UBAC1: variants seen among roughly 807,000 people sequenced by gnomAD.
UBAC1 encodes the protein UBA domain containing 1, also known as ubiquitin-associated domain-containing protein 1.
Under a neutral mutation model 45.9 loss-of-function variants are expected in UBAC1, and 27 were observed. That is an observed-to-expected ratio of 0.59 (90% CI 0.43 to 0.81). UBAC1 has a LOEUF of 0.81. Ranked by LOEUF, UBAC1 falls within the 30% of genes least tolerant of loss-of-function variation. UBAC1 has a pLI of 0.00. For synonymous variants in UBAC1, 227 were observed against 215.5 expected, an observed-to-expected ratio of 1.05 and a Z score of -0.47; for missense variants, 529 against 539.2, an observed-to-expected ratio of 0.98 and a Z score of 0.19.
intron 3 of UBAC1, among the ~76,000 whole-genome samples, chr9:135,949,763 G>A (rs1839384777): frequency 6.6e-6 from 1 of 152,248 alleles, no homozygotes; most frequent in Non-Finnish European, 1.5e-5. Flanking sequence ...AGTTGCCCGT[G>A]CGTGGCTGCA....
At chr9:135,959,755 C>T (rs1468476354) in intron 1 of UBAC1, among the ~76,000 whole-genome samples, 1 of 152,162 alleles carries the variant, frequency 6.6e-6, no homozygotes, top group Non-Finnish European at 1.5e-5. Flanking sequence ...GAGTTACCGG[C>T]GCTGGAGCTT....
intron 3 of UBAC1, among the ~76,000 whole-genome samples, chr9:135,949,629 T>C (rs1839382426): frequency 6.6e-6 from 1 of 152,104 alleles, no homozygotes; most frequent in Admixed American, 6.5e-5. Context: ...CTCCAGACAG[T>C]TTCCCCTCCT....
At chr9:135,944,731 T>G (rs1448555407) in intron 7 of UBAC1, among the ~76,000 whole-genome samples, 2 of 152,200 alleles carry the variant, frequency 1.3e-5, no homozygotes, top group African/African-American at 4.8e-5. Context: ...CTGTAAAATA[T>G]CAAGTTTTTC....
At chr9:135,944,981 G>T in intron 7 of UBAC1, 47 bp downstream of exon 7, 1 of 1,564,728 alleles carries the variant, frequency 6.4e-7, no homozygotes. Context: ...GCCACCTCAA[G>T]GGAAGACACA....
intron 3 of UBAC1, among the ~76,000 whole-genome samples, chr9:135,950,562 G>A (rs1839395172): frequency 6.6e-6 from 1 of 152,122 alleles, no homozygotes; most frequent in South Asian, 2.1e-4. Context: ...AGCTGTGTAA[G>A]AAGGATAGAT....
intron 3 of UBAC1, 120 bp from the exon 4 acceptor site, chr9:135,948,025 G>A (rs1839359136): frequency 2.2e-6 from 2 of 899,508 alleles, no homozygotes; most frequent in Admixed American, 2.6e-5. Context: ...AGCCAGAGGT[G>A]TAAACTCCTT....
intron 4 of UBAC1, 144 bp from the exon 5 acceptor site, chr9:135,946,515 G>A: frequency 3.1e-6 from 2 of 646,946 alleles, no homozygotes; most frequent in Non-Finnish European, 5.6e-6. Context: ...TCAGCTGAGG[G>A]CAAGGCAGGG....
Position 135,945,856 on chromosome 9 carries a change from T to G in UBAC1, c.653+33A>C, listed in dbSNP as rs576449122. ...CCCACAAAACCAGGCCCCAGGTGTC[T>G]CCGGCAAGGGAAGGAGGTGGCCCCC... On this transcript the variant is annotated intron_variant, in intron 6 of 9. Coordinates refer to ENST00000371756, the MANE Select transcript of UBAC1 (RefSeq NM_016172.3). 3 of 1,590,630 alleles carry G rather than the reference T, an allele frequency of 1.9e-6. No individual in the cohort carries two copies. The East Asian group carries it at 6.7e-5, about 36-fold the overall frequency.
chr9:135,938,151 A>C (rs1588530150), intron 9 of UBAC1, 71 bp downstream of exon 9: 1 of 1,577,032 alleles, frequency 6.3e-7, no homozygotes, highest in South Asian at 1.2e-5. Context: ...CCTCCGCAGC[A>C]CCTATTTGTC....
At chr9:135,954,981 C>A (rs1017983199) in intron 2 of UBAC1, among the ~76,000 whole-genome samples, 3 of 152,196 alleles carry the variant, frequency 2.0e-5, no homozygotes, top group Non-Finnish European at 4.4e-5. Context: ...AACATCACCA[C>A]AACGAAGGTG....
At chr9:135,955,252 G>A in intron 2 of UBAC1, 43 bp downstream of exon 2, 2 of 1,510,040 alleles carry the variant, frequency 1.3e-6, no homozygotes, top group South Asian at 1.4e-5. Context: ...CCCCAGCAGT[G>A]CACGATGCCT....
intron 8 of UBAC1, among the ~76,000 whole-genome samples, chr9:135,938,623 G>A (rs905813073): frequency 2.6e-5 from 4 of 152,262 alleles, no homozygotes; most frequent in African/African-American, 4.8e-5. Flanking sequence ...GACTGCTGCC[G>A]CTTCCCCACT....
At chr9:135,948,321 G>T (rs1030340113) in intron 3 of UBAC1, among the ~76,000 whole-genome samples, 3 of 152,268 alleles carry the variant, frequency 2.0e-5, no homozygotes, top group Non-Finnish European at 2.9e-5. Flanking sequence ...AGAAACTCAC[G>T]AGAACAAAAG....
intron 1 of UBAC1, among the ~76,000 whole-genome samples, chr9:135,958,192 G>T (rs1839490422): frequency 6.6e-6 from 1 of 151,916 alleles, no homozygotes. Context: ...GACTACAGGT[G>T]CCCGCCACCA....
intron 7 of UBAC1, among the ~76,000 whole-genome samples, chr9:135,942,619 C>T (rs1428924615): frequency 1.3e-5 from 2 of 150,332 alleles, no homozygotes; most frequent in Non-Finnish European, 3.0e-5. Context: ...GCCACCGCCA[C>T]TCCAGCCTGG....
At chr9:135,938,442 C>A (rs2131081389) in intron 8 of UBAC1, 82 bp from the exon 9 acceptor site, 2 of 1,522,386 alleles carry the variant, frequency 1.3e-6, no homozygotes, top group Non-Finnish European at 1.8e-6. Context: ...CATGACAGCT[C>A]CTGCACCTTT....
chr9:135,954,784 C>A (rs1018070397), intron 2 of UBAC1, among the ~76,000 whole-genome samples: 1 of 152,234 alleles, frequency 6.6e-6, no homozygotes, highest in African/African-American at 2.4e-5. Flanking sequence ...GCTTGATGGT[C>A]ATCTCAGCGG....
chr9:135,945,920 T>C lies in UBAC1; in HGVS notation c.622A>G (p.Asn208Asp). Residue 208 changes from asparagine to aspartate, a missense_variant, in exon 6 of 10, where the codon AAC becomes GAC. Transcript: ENST00000371756. ...RQLTEMGFPENRATKALQLNH... is the reference protein window; with the variant it reads ...RQLTEMGFPEDRATKALQLNH... ...AGCTGAAGGGCCTTGGTGGCTCTGT[T>C]CTCCGGAAAGCCCATCTCCGTGAGC... 6.2e-7 allele frequency: 1 copy of C among 1,613,996 alleles called. No homozygotes were observed. The highest frequency in any genetic ancestry group is 8.5e-7 in the Non-Finnish European group (1 of 1,180,018).
At chr9:135,942,459 G>A (rs1470463030) in intron 7 of UBAC1, among the ~76,000 whole-genome samples, 1 of 152,126 alleles carries the variant, frequency 6.6e-6, no homozygotes, top group Non-Finnish European at 1.5e-5. Flanking sequence ...ACACCAGCCT[G>A]GGCAACACAG....
Sources: allele counts gnomAD v4.1 joint callset (sites outside exome capture counted in the v4.1 genomes callset), GRCh38; gene constraint gnomAD v4.1.1; transcripts MANE v1.5; gene names NCBI Gene and HGNC (gene_info 2026-07-23, HGNC 2026-07-21).